The following LMLN variants were observed in gnomAD, a reference collection of about 807,000 sequenced individuals.
LMLN encodes the protein leishmanolysin-like peptidase.
A neutral mutation model predicts 92.3 loss-of-function variants in LMLN; 70 were observed. That is an observed-to-expected ratio of 0.76 (90% CI 0.63 to 0.92). LMLN has a LOEUF of 0.92. Ranked by LOEUF, LMLN falls within the 40% of genes least tolerant of loss-of-function variation. The pLI, the probability that LMLN is intolerant of heterozygous loss-of-function variation, is 0.00. For missense variants in LMLN, 691 were observed against 814.6 expected (o/e 0.85, Z 1.85); for synonymous variants, 308 against 296.2 (o/e 1.04, Z -0.41).
At chr3:198,013,400 C>T (rs1482661513) in intron 11 of LMLN, among the ~76,000 whole-genome samples, 55 of 112,260 alleles carry the variant, frequency 4.9e-4, no homozygotes, top group African/African-American at 2.5e-3. Flanking sequence ...CCCTTTAGAG[C>T]CCCCTAACTA....
At chr3:197,964,692 C>T (rs1248728001) in intron 1 of LMLN, among the ~76,000 whole-genome samples, 3 of 150,446 alleles carry the variant, frequency 2.0e-5, no homozygotes, top group South Asian at 4.2e-4. Context: ...CCACCACGCC[C>T]GGCCTAAAAA....
At chr3:198,023,547 A>C (rs2109939896) in intron 13 of LMLN, among the ~76,000 whole-genome samples, 1 of 152,364 alleles carries the variant, frequency 6.6e-6, no homozygotes, top group African/African-American at 2.4e-5. Flanking sequence ...TACTCAAAAG[A>C]AGTAAAGAAT....
At chr3:197,975,048 C>T in exon 3 of LMLN, 2 of 1,484,698 alleles carry the variant, frequency 1.3e-6, no homozygotes, top group Non-Finnish European at 1.9e-6. Context: ...TCAGGTTGCT[C>T]CCTGAGAAAA....
rs559789679 is a variant in LMLN, at chr3:197,993,381, T to C, written c.1047+2705T>C. On this transcript the variant is annotated intron_variant, in intron 9 of 15. Transcript: ENST00000330198. The stretch of plus-strand genomic sequence containing the variant: ...ACCCTAGAGACTCCATCAAAAATTA[T>C]GAGGATTAATAAATACAGTAAAAGT... Among the ~76,000 whole-genome samples, 3 of 151,984 alleles carry C rather than the reference T, an allele frequency of 2.0e-5. No homozygotes were observed. The East Asian group carries it at 5.8e-4, about 29-fold the overall frequency.
intron 1 of LMLN, among the ~76,000 whole-genome samples, chr3:197,965,100 G>A (rs1348700580): frequency 2.0e-5 from 3 of 151,396 alleles, no homozygotes; most frequent in Non-Finnish European, 2.9e-5. Context: ...CTGCCACCTC[G>A]AACTCCTGTG....
At chr3:198,024,581 T>C in intron 13 of LMLN, 77 bp from the exon 15 acceptor site, 1 of 1,286,380 alleles carries the variant, frequency 7.8e-7, no homozygotes, top group Non-Finnish European at 1.0e-6. Flanking sequence ...CTTTTAATCA[T>C]AAAAATGGAA....
chr3:198,021,365 T>G lies in LMLN; in HGVS notation c.1366-81T>G, dbSNP rs1011859026. ...CTTGTGTTATGTGGCATTAAAGGGT[T>G]GCGAGAAATTGCCTGTGCACTTCCT... On this transcript the variant is annotated intron_variant, in intron 12 of 15. Coordinates refer to ENST00000330198, the Ensembl canonical transcript of LMLN. 4.7e-5 allele frequency: 56 copies of G among 1,194,756 alleles called. No individual in the cohort carries two copies. The East Asian group carries it at 1.3e-3, about 27-fold the overall frequency. The allele number at this position is 1,194,756 out of a possible 1,614,324, so 74.0% of individuals were successfully genotyped here.
intron 1 of LMLN, among the ~76,000 whole-genome samples, chr3:197,964,167 T>C (rs191875758): frequency 6.6e-6 from 1 of 152,294 alleles, no homozygotes; most frequent in East Asian, 1.9e-4. Flanking sequence ...TTAATGTTTG[T>C]TTCTATTTCA....
intron 9 of LMLN, among the ~76,000 whole-genome samples, chr3:197,993,292 G>A (rs1053845280): frequency 6.6e-6 from 1 of 152,036 alleles, no homozygotes; most frequent in Admixed American, 6.5e-5. Flanking sequence ...TAAATAAAAG[G>A]CATCCAAATA....
At chr3:198,018,959 G>A (rs1409993942) in intron 11 of LMLN, among the ~76,000 whole-genome samples, 1 of 152,180 alleles carries the variant, frequency 6.6e-6, no homozygotes, top group African/African-American at 2.4e-5. Context: ...AACAGAACAA[G>A]TTGATAACAA....
chr3:197,973,890 A>T (rs1272499204), intron 1 of LMLN, among the ~76,000 whole-genome samples: 1 of 152,238 alleles, frequency 6.6e-6, no homozygotes, highest in Non-Finnish European at 1.5e-5. Context: ...TAAAGTGTTG[A>T]TACTGCTGAG....
chr3:197,960,961 T>C (rs1273000366), intron 1 of LMLN, among the ~76,000 whole-genome samples: 1 of 152,146 alleles, frequency 6.6e-6, no homozygotes, highest in Non-Finnish European at 1.5e-5. Context: ...CTTTTCACGT[T>C]ATGTCGTCAC....
intron 11 of LMLN, among the ~76,000 whole-genome samples, chr3:198,006,306 T>G (rs1722292191): frequency 6.6e-6 from 1 of 152,230 alleles, no homozygotes; most frequent in South Asian, 2.1e-4. Flanking sequence ...ACAGTTTGTT[T>G]AAACATTCAC....
At chr3:198,024,969 A>C (rs1209160392) in intron 14 of LMLN, among the ~76,000 whole-genome samples, 181 bp downstream of exon 15, 1 of 152,218 alleles carries the variant, frequency 6.6e-6, no homozygotes, top group East Asian at 1.9e-4. Context: ...TCATTTCTTT[A>C]GAAAAAGTGC....
chr3:198,024,213 A>ATTT (rs1245381667), intron 13 of LMLN, among the ~76,000 whole-genome samples: 2 of 134,966 alleles, frequency 1.5e-5, no homozygotes, highest in Admixed American at 7.5e-5. Context: ...GTGGATCCTA[A>ATTT]TTTTTTTTTT....
intron 6 of LMLN, among the ~76,000 whole-genome samples, chr3:197,982,336 C>A (rs1480394006): frequency 1.3e-5 from 2 of 151,382 alleles, no homozygotes; most frequent in Admixed American, 1.3e-4. Context: ...AGTGATTCTC[C>A]TGCCTTAGCC....
At chr3:197,995,032 CT>C (rs1467694011) in intron 9 of LMLN, among the ~76,000 whole-genome samples, 3 of 152,188 alleles carry the variant, frequency 2.0e-5, no homozygotes, top group Non-Finnish European at 4.4e-5. Flanking sequence ...GTTGGAACTG[CT>C]CAGGTCCACT....
At chr3:197,997,054 TTCTTTCTTTCTC>T (rs1235293877) in intron 10 of LMLN, among the ~76,000 whole-genome samples, 1,843 of 151,414 alleles carry the variant, frequency 0.012, 37 homozygotes, top group African/African-American at 0.042. Context: ...CTTTCTTTCC[TTCTTTCTTTCTC>T]TCTTTCTTTC....
intron 11 of LMLN, among the ~76,000 whole-genome samples, chr3:198,000,798 CTG>C (rs755328315): frequency 5.3e-5 from 8 of 152,312 alleles, no homozygotes; most frequent in Non-Finnish European, 1.2e-4. Flanking sequence ...GCTTGGCACA[CTG>C]TGAGTGCCAA....
Sources: gnomAD v4.1 joint callset for allele counts (sites outside exome capture counted in the v4.1 genomes callset) on GRCh38, gnomAD v4.1.1 for gene constraint, MANE v1.5 for transcripts, NCBI Gene and HGNC (gene_info 2026-07-23, HGNC 2026-07-21) for gene names.